Variants in SYT1 observed in about 807,000 individuals in gnomAD.
SYT1 encodes the protein synaptotagmin 1.
SYT1 carries 8 observed loss-of-function variants against 44.8 expected under a neutral mutation model. The ratio of observed to expected loss-of-function variants is 0.18; its 90% CI spans 0.10 to 0.32. SYT1 has a LOEUF of 0.32. Ranked by LOEUF, SYT1 falls within the 10% of genes least tolerant of loss-of-function variation. SYT1 has a pLI of 1.00. For missense variants in SYT1, 286 were observed against 509.3 expected (o/e 0.56, Z 4.22); for synonymous variants, 154 against 188.8 (o/e 0.82, Z 1.51).
At chr12:78,878,564 T>C (rs1311356280) in intron 1 of SYT1, among the ~76,000 whole-genome samples, 2 of 151,788 alleles carry the variant, frequency 1.3e-5, no homozygotes, top group Non-Finnish European at 2.9e-5. Flanking sequence ...AGTCATTCAT[T>C]AATCTACTCA....
intron 9 of SYT1, among the ~76,000 whole-genome samples, chr12:79,364,847 T>C (rs1883476056): frequency 6.6e-6 from 1 of 152,170 alleles, no homozygotes; most frequent in Admixed American, 6.5e-5. Flanking sequence ...TACATATACA[T>C]ATGAAACTGC....
intron 1 of SYT1, among the ~76,000 whole-genome samples, chr12:78,929,271 ACATGCCTGTAGTCC>A (rs2074348155): frequency 6.6e-6 from 1 of 151,314 alleles, no homozygotes; most frequent in Non-Finnish European, 1.5e-5. Context: ...ACGTGGCAGC[ACATGCCTGTAGTCC>A]CAGCTACTCA....
chr12:78,985,396 T>G (rs1384600916), intron 2 of SYT1, among the ~76,000 whole-genome samples: 1 of 151,902 alleles, frequency 6.6e-6, no homozygotes, highest in Admixed American at 6.6e-5. Context: ...AATATATTCT[T>G]TCTAAAATAA....
chr12:78,916,522 T>A (rs142993108), intron 1 of SYT1, among the ~76,000 whole-genome samples: 19 of 151,984 alleles, frequency 1.3e-4, no homozygotes, highest in African/African-American at 4.6e-4. Flanking sequence ...TTTTTTGTAG[T>A]CTTGCAACTA....
At chr12:78,965,555 TA>T in intron 1 of SYT1, among the ~76,000 whole-genome samples, 1 of 152,306 alleles carries the variant, frequency 6.6e-6, no homozygotes, top group South Asian at 2.1e-4. Flanking sequence ...TATAACCTAG[TA>T]AATCAAATAT....
chr12:78,931,874 T>C (rs561243231), intron 1 of SYT1, among the ~76,000 whole-genome samples: 1 of 152,326 alleles, frequency 6.6e-6, no homozygotes, highest in African/African-American at 2.4e-5. Context: ...GAAGGAGTGT[T>C]GGTAAAAGCA....
At chr12:79,211,085 G>A (rs1454794846) in intron 3 of SYT1, among the ~76,000 whole-genome samples, 1 of 151,872 alleles carries the variant, frequency 6.6e-6, no homozygotes, top group African/African-American at 2.4e-5. Context: ...TAGACATATA[G>A]GGGAAAAGTG....
chr12:79,265,288 C>A (rs1191369227), intron 4 of SYT1, among the ~76,000 whole-genome samples: 1 of 152,222 alleles, frequency 6.6e-6, no homozygotes, highest in East Asian at 1.9e-4. Flanking sequence ...GAAAGTTTAA[C>A]TAACTTGATC....
At chr12:79,170,927 A>G (rs1306491217) in intron 3 of SYT1, among the ~76,000 whole-genome samples, 3 of 152,090 alleles carry the variant, frequency 2.0e-5, no homozygotes, top group African/African-American at 2.4e-5. Context: ...CAATTATCCC[A>G]GCACCATTGA....
At chr12:78,888,351 A>G (rs75666737) in intron 1 of SYT1, among the ~76,000 whole-genome samples, 12,255 of 151,912 alleles carry the variant, frequency 0.081, 583 homozygotes, top group African/African-American at 0.13. Context: ...ACCCATTTCA[A>G]TATTTTATAT....
At chr12:79,106,133 T>C (rs1236722237) in intron 3 of SYT1, among the ~76,000 whole-genome samples, 4 of 152,092 alleles carry the variant, frequency 2.6e-5, no homozygotes, top group East Asian at 3.9e-4. Context: ...CAGCAAGCAG[T>C]TGGAAATGCA....
intron 3 of SYT1, among the ~76,000 whole-genome samples, chr12:79,129,044 G>A (rs978902005): frequency 6.6e-6 from 1 of 152,116 alleles, no homozygotes; most frequent in African/African-American, 2.4e-5. Context: ...TTATGTTAGA[G>A]GAGCATGGCC....
intron 8 of SYT1, among the ~76,000 whole-genome samples, chr12:79,346,090 T>C (rs1430509941): frequency 6.6e-6 from 1 of 152,242 alleles, no homozygotes; most frequent in African/African-American, 2.4e-5. Context: ...ATCAAATGTA[T>C]GAACTTAGCC....
intron 9 of SYT1, among the ~76,000 whole-genome samples, chr12:79,365,338 T>C (rs911678230): frequency 6.6e-6 from 1 of 152,098 alleles, no homozygotes; most frequent in African/African-American, 2.4e-5. Context: ...TTCGAATGTA[T>C]CATGGTATAT....
At chr12:79,366,839 AC>A (rs1246894814) in intron 9 of SYT1, among the ~76,000 whole-genome samples, 1 of 150,512 alleles carries the variant, frequency 6.6e-6, no homozygotes, top group Admixed American at 6.6e-5. Context: ...AATTTTTGTC[AC>A]CATATCCTGG....
At chr12:79,306,713 C>T (rs991438190) in intron 8 of SYT1, among the ~76,000 whole-genome samples, 2 of 151,874 alleles carry the variant, frequency 1.3e-5, no homozygotes, top group Admixed American at 6.6e-5. Flanking sequence ...ATAAAAGGAC[C>T]GAGAGTTTTC....
rs10646738 is a variant in SYT1, at chr12:78,929,409, C to CAAAAAAAAAAAAAAAAAAAAAAAAAAAAA, written c.-216-48381_-216-48353dup. 1.3e-3 allele frequency among the ~76,000 whole-genome samples: 59 copies of CAAAAAAAAAAAAAAAAAAAAAAAAAAAAA among 43,788 alleles called. 29 individuals carry two copies. Among genetic ancestry groups the CAAAAAAAAAAAAAAAAAAAAAAAAAAAAA allele is most frequent in the East Asian group, 4.3e-3 (4 of 940 alleles). 28.7% of individuals were successfully genotyped at this position (43,788 alleles called of 152,430 possible). A position where few individuals can be genotyped will look rare whatever the true frequency, so the allele number is the denominator to read the frequency against. ...TGGGTGACAGAGAGAGACTCCGTCC[C>CAAAAAAAAAAAAAAAAAAAAAAAAAAAAA]AAAAAAAAAAAAAAAAAAAAAAAAA... On this transcript the variant is annotated intron_variant, in intron 1 of 10. Coordinates refer to ENST00000261205, the MANE Select transcript of SYT1 (RefSeq NM_005639.3).
chr12:79,058,882 T>G (rs143949251), intron 3 of SYT1, among the ~76,000 whole-genome samples: 44 of 152,208 alleles, frequency 2.9e-4, no homozygotes, highest in Non-Finnish European at 5.0e-4. Context: ...TTTCTTTATT[T>G]TAATACATAC....
At position 79,224,709 on chromosome 12, in the gene SYT1, G is replaced by A. The variant is rs117885965; in HGVS notation, c.166+7024G>A. ...GAGCAGAGGTGTCCCATGATCTGAC[G>A]GGTGGTTTTTTTGTTTTGTTTCATT... On this transcript the variant is annotated intron_variant, in intron 4 of 10. Transcript: ENST00000261205. 6.6e-4 allele frequency among the ~76,000 whole-genome samples: 98 copies of A among 147,370 alleles called. No homozygotes were observed. In the East Asian group the frequency reaches 0.011, roughly 17 times the overall value.
Sources: allele counts gnomAD v4.1 joint callset (sites outside exome capture counted in the v4.1 genomes callset), GRCh38; gene constraint gnomAD v4.1.1; transcripts MANE v1.5; gene names NCBI Gene and HGNC (gene_info 2026-07-23, HGNC 2026-07-21).